CHLSN: variants seen among roughly 807,000 people sequenced by gnomAD.
CHLSN encodes the protein protein cholesin.
At chr7:1,110,841 G>A in the CHLSN span, among the ~76,000 whole-genome samples, 1 of 151,152 alleles carries the variant, frequency 6.6e-6, no homozygotes, top group Non-Finnish European at 1.5e-5. Flanking sequence ...ACCACACACA[G>A]GCAATTCACA....
chr7:1,018,087 C>T, the CHLSN span, among the ~76,000 whole-genome samples: 4 of 152,218 alleles, frequency 2.6e-5, no homozygotes, highest in South Asian at 2.1e-4. Context: ...CACGAGCACG[C>T]ATACACACGC....
At chr7:1,133,232 G>A in the CHLSN span, among the ~76,000 whole-genome samples, 1 of 152,006 alleles carries the variant, frequency 6.6e-6, no homozygotes, top group African/African-American at 2.4e-5. Context: ...CTCAGGATAC[G>A]CAAATTATAC....
At chr7:993,100 G>A in the CHLSN span, among the ~76,000 whole-genome samples, 1 of 152,180 alleles carries the variant, frequency 6.6e-6, no homozygotes, top group Admixed American at 6.5e-5. Flanking sequence ...ACTATTCAGG[G>A]TTTGAGGCTG....
the CHLSN span, among the ~76,000 whole-genome samples, chr7:1,094,085 C>T: frequency 2.0e-5 from 3 of 152,268 alleles, no homozygotes; most frequent in Non-Finnish European, 2.9e-5. Context: ...CCTTGTCCAG[C>T]AGCCTGTGCG....
At chr7:1,121,229 A>G in the CHLSN span, among the ~76,000 whole-genome samples, 174 of 152,152 alleles carry the variant, frequency 1.1e-3, 1 homozygote, top group African/African-American at 4.1e-3. Flanking sequence ...TGAGTTCAAA[A>G]TTCAGTCGGC....
chr7:994,591 A>C, the CHLSN span, among the ~76,000 whole-genome samples: 1 of 152,076 alleles, frequency 6.6e-6, no homozygotes, highest in Non-Finnish European at 1.5e-5. Context: ...CTTCAGACAC[A>C]TGCCACCATC....
At chr7:1,057,438 G>A in the CHLSN span, 1 of 657,570 alleles carries the variant, frequency 1.5e-6, no homozygotes, top group South Asian at 1.7e-5. Context: ...AGCACTTCTG[G>A]GCCAGGGCTT....
the CHLSN span, among the ~76,000 whole-genome samples, chr7:1,133,156 C>T: frequency 6.6e-6 from 1 of 152,102 alleles, no homozygotes; most frequent in Non-Finnish European, 1.5e-5. Context: ...CCAGAAGACA[C>T]TGTGCCGGGC....
chr7:1,053,375 C>T, the CHLSN span, among the ~76,000 whole-genome samples: 29 of 152,228 alleles, frequency 1.9e-4, no homozygotes, highest in Non-Finnish European at 2.5e-4. Context: ...CTAATGTGCC[C>T]GGAACAGCTC....
the CHLSN span, among the ~76,000 whole-genome samples, chr7:1,126,662 CAG>C: frequency 8.4e-3 from 1,278 of 152,234 alleles, 15 homozygotes; most frequent in African/African-American, 0.03. Context: ...GCCTGGGCGA[CAG>C]AGACTGTGTC....
the CHLSN span, among the ~76,000 whole-genome samples, chr7:1,132,234 T>A: frequency 8.1e-3 from 1,237 of 152,364 alleles, 8 homozygotes; most frequent in Non-Finnish European, 0.013. Flanking sequence ...AAAATTTTTG[T>A]GCTGCAAAGG....
At chr7:1,099,928 C>T in the CHLSN span, among the ~76,000 whole-genome samples, 1 of 152,236 alleles carries the variant, frequency 6.6e-6, no homozygotes, top group African/African-American at 2.4e-5. Context: ...CTGAGTAATA[C>T]CGTGCGGCAG....
chr7:1,011,615 C>T, the CHLSN span, among the ~76,000 whole-genome samples: 1 of 151,170 alleles, frequency 6.6e-6, no homozygotes, highest in South Asian at 2.1e-4. Flanking sequence ...CACACACGCC[C>T]ACACCCAGAT....
chr7:985,925 G>C, the CHLSN span, among the ~76,000 whole-genome samples: 4 of 152,128 alleles, frequency 2.6e-5, no homozygotes, highest in African/African-American at 4.8e-5. Flanking sequence ...GCAGCGGTGG[G>C]TTCACAAGCG....
At chr7:1,022,204 G>A in the CHLSN span, among the ~76,000 whole-genome samples, 3 of 152,278 alleles carry the variant, frequency 2.0e-5, no homozygotes, top group East Asian at 1.9e-4. Flanking sequence ...GCCTGGCCCC[G>A]TCCCACGAGG....
chr7:1,120,726 C>CA, the CHLSN span, among the ~76,000 whole-genome samples: 1 of 152,248 alleles, frequency 6.6e-6, no homozygotes, highest in African/African-American at 2.4e-5. Context: ...GGAAACAACT[C>CA]AGTCTCCAAA....
At chr7:1,021,464 T>C in the CHLSN span, 4 of 985,486 alleles carry the variant, frequency 4.1e-6, no homozygotes, top group Non-Finnish European at 4.8e-6. Context: ...TGATCGGCAG[T>C]GGTGGCCACC....
At chr7:1,013,363 C>CA in the CHLSN span, among the ~76,000 whole-genome samples, 28 of 152,330 alleles carry the variant, frequency 1.8e-4, no homozygotes, top group African/African-American at 6.5e-4. Context: ...AAGTACACAC[C>CA]AAAAAATTTT....
the CHLSN span, chr7:1,138,050 G>A: frequency 1.3e-5 from 2 of 150,122 alleles, no homozygotes; most frequent in African/African-American, 2.4e-5. Flanking sequence ...GGACCCCAGG[G>A]CCGCCGCCCG....
Sources: allele counts gnomAD v4.1 joint callset (sites outside exome capture counted in the v4.1 genomes callset), GRCh38; gene constraint gnomAD v4.1.1; transcripts MANE v1.5; gene names NCBI Gene and HGNC (gene_info 2026-07-23, HGNC 2026-07-21).